CSMD3: variants seen among roughly 807,000 people sequenced by gnomAD.
The protein encoded by CSMD3 is CUB and sushi domain-containing protein 3.
A neutral mutation model predicts 435.2 loss-of-function variants in CSMD3; 177 were observed. That is an observed-to-expected ratio of 0.41 (90% CI 0.36 to 0.46). The LOEUF (loss-of-function observed/expected upper bound fraction) is 0.46. CSMD3 is among the 20% of genes least tolerant of loss of function. The pLI is 0.34. For synonymous variants in CSMD3, 1,656 were observed against 1,520.5 expected (o/e 1.09, Z -2.07); for missense variants, 4,265 against 4,504.6 (o/e 0.95, Z 1.52).
chr8:112,333,651 T>C (rs1015379577), intron 45 of CSMD3, among the ~76,000 whole-genome samples: 2 of 143,702 alleles, frequency 1.4e-5, no homozygotes, highest in African/African-American at 5.0e-5. Context: ...TTTATATGAA[T>C]GTTCAAATTC....
chr8:112,610,912 T>G (rs192494466), intron 22 of CSMD3, among the ~76,000 whole-genome samples: 2 of 152,318 alleles, frequency 1.3e-5, no homozygotes, highest in East Asian at 3.9e-4. Context: ...AGAAGCTTCA[T>G]GCTTTCTTCC....
chr8:112,906,460 A>G (rs1270065419), intron 10 of CSMD3, among the ~76,000 whole-genome samples: 1 of 151,436 alleles, frequency 6.6e-6, no homozygotes, highest in Non-Finnish European at 1.5e-5. Flanking sequence ...GCAAGCAACC[A>G]ACCAACCAAA....
intron 10 of CSMD3, among the ~76,000 whole-genome samples, chr8:112,899,688 C>CAT (rs1421470781): frequency 1.4e-5 from 2 of 143,822 alleles, no homozygotes; most frequent in African/African-American, 5.1e-5. Context: ...CACACACACA[C>CAT]ACACGTATAT....
intron 10 of CSMD3, among the ~76,000 whole-genome samples, chr8:112,911,972 C>A (rs1024306858): frequency 4.0e-5 from 6 of 148,892 alleles, no homozygotes; most frequent in African/African-American, 1.5e-4. Flanking sequence ...ATATTTATTG[C>A]TTTTATACCT....
intron 5 of CSMD3, among the ~76,000 whole-genome samples, chr8:113,057,836 T>C (rs968554373): frequency 6.6e-6 from 1 of 151,846 alleles, no homozygotes; most frequent in Non-Finnish European, 1.5e-5. Flanking sequence ...GATATGAAAA[T>C]AGATATGTAG....
rs191863972 is a variant in CSMD3 at position 113,057,628 on chromosome 8, G to C, written c.918-38449C>G. 3.3e-5 allele frequency among the ~76,000 whole-genome samples: 5 copies of C among 151,932 alleles called. No individual in the cohort carries two copies. In the East Asian group the frequency reaches 5.8e-4, roughly 18 times the overall value. On this transcript the variant is annotated intron_variant, in intron 5 of 70. Transcript: ENST00000297405. ...AAATTAGCACTCAATGATTTCATTT[G>C]AAATAATCATAAGAAAATTTTGTTA...
At chr8:112,851,920 A>G (rs2080501703) in intron 11 of CSMD3, among the ~76,000 whole-genome samples, 1 of 152,184 alleles carries the variant, frequency 6.6e-6, no homozygotes, top group African/African-American at 2.4e-5. Context: ...GAGGACACCT[A>G]TTAGATAAAT....
chr8:112,814,032 A>T (rs1165003555), intron 12 of CSMD3, among the ~76,000 whole-genome samples: 1 of 152,176 alleles, frequency 6.6e-6, no homozygotes, highest in Non-Finnish European at 1.5e-5. Flanking sequence ...CTTATCAAAT[A>T]GGCATACACA....
rs368158070 is a variant in CSMD3, at chr8:113,326,120, C to A, written c.179-11327G>T. ...TTAGCTAGTTTTTCATGGTTATCTC[C>A]AGAATGCAGTGGTATTTGCCCTATG... On this transcript the variant is annotated intron_variant, in intron 1 of 70. Transcript: ENST00000297405. Among the ~76,000 whole-genome samples, 9 of 152,208 alleles carry A rather than the reference C, an allele frequency of 5.9e-5. No homozygotes were observed. The East Asian group carries it at 1.4e-3, about 23-fold the overall frequency.
chr8:113,030,968 A>G (rs1227503190), intron 5 of CSMD3, among the ~76,000 whole-genome samples: 3 of 151,656 alleles, frequency 2.0e-5, no homozygotes, highest in Non-Finnish European at 4.4e-5. Flanking sequence ...CACCTACCAG[A>G]ATGGCTAAAA....
At chr8:112,992,621 T>C (rs1340424029) in intron 6 of CSMD3, among the ~76,000 whole-genome samples, 1 of 151,868 alleles carries the variant, frequency 6.6e-6, no homozygotes, top group Non-Finnish European at 1.5e-5. Context: ...TATGTCTAAG[T>C]AGGCAGTGAC....
intron 3 of CSMD3, among the ~76,000 whole-genome samples, chr8:113,273,314 A>C (rs2093544568): frequency 6.6e-6 from 1 of 152,098 alleles, no homozygotes; most frequent in Non-Finnish European, 1.5e-5. Context: ...CAGCTCTAAT[A>C]AAATTAGCAG....
rs77692005 is a variant in CSMD3 at position 112,235,865 on chromosome 8, T to C, written c.10627+1325A>G. ...GAAAGCGAATTAATCTAATTCTTTG[T>C]CTTTCCATATATATAGAAAACTCTT... On this transcript the variant is annotated intron_variant, in intron 67 of 70. Transcript: ENST00000297405. Among the ~76,000 whole-genome samples the C allele has an allele frequency of 6.5e-3, 989 of 152,188 alleles. 9 individuals carry two copies. Among genetic ancestry groups the C allele is most frequent in the African/African-American group, 0.022 (925 of 41,566 alleles).
At chr8:113,315,934 C>T (rs1477633878) in intron 1 of CSMD3, among the ~76,000 whole-genome samples, 1 of 151,746 alleles carries the variant, frequency 6.6e-6, no homozygotes, top group Admixed American at 6.6e-5. Flanking sequence ...GGCCAGGCTG[C>T]TCTCGAACTC....
intron 6 of CSMD3, among the ~76,000 whole-genome samples, chr8:113,003,349 C>A (rs1241704729): frequency 6.6e-6 from 1 of 151,950 alleles, no homozygotes; most frequent in Admixed American, 6.6e-5. Context: ...TTTTGTTCTT[C>A]AAAATATTGA....
intron 32 of CSMD3, among the ~76,000 whole-genome samples, chr8:112,413,469 T>A (rs114149579): frequency 3.1e-3 from 473 of 152,328 alleles, no homozygotes; most frequent in African/African-American, 0.011. Context: ...CCAATTTGCT[T>A]AATTAAGCCA....
chr8:112,415,637 A>T (rs2130193506), intron 32 of CSMD3, among the ~76,000 whole-genome samples: 1 of 152,322 alleles, frequency 6.6e-6, no homozygotes, highest in South Asian at 2.1e-4. Context: ...CACCAGGAAA[A>T]GTCACAGATG....
At chr8:112,741,340 G>T (rs931196936) in intron 13 of CSMD3, among the ~76,000 whole-genome samples, 5 of 151,962 alleles carry the variant, frequency 3.3e-5, no homozygotes, top group African/African-American at 1.2e-4. Context: ...TGGCCAATGG[G>T]TATATGAAAA....
chr8:112,296,295 G>A (rs1487943006), intron 53 of CSMD3, among the ~76,000 whole-genome samples: 1 of 152,128 alleles, frequency 6.6e-6, no homozygotes, highest in Non-Finnish European at 1.5e-5. Context: ...GTTCACGCCT[G>A]TAATCCCAGC....
Sources: gnomAD v4.1 joint callset for allele counts (sites outside exome capture counted in the v4.1 genomes callset) on GRCh38, gnomAD v4.1.1 for gene constraint, MANE v1.5 for transcripts, NCBI Gene and HGNC (gene_info 2026-07-23, HGNC 2026-07-21) for gene names.